Variants in ANO3 observed in about 807,000 individuals in gnomAD.
ANO3 encodes anoctamin-3.
In ANO3, 99 loss-of-function variants were observed where a neutral mutation model predicts 144.8. The ratio of observed to expected loss-of-function variants is 0.68; its 90% confidence interval spans 0.58 to 0.81. ANO3 has a LOEUF of 0.81. Among genes scored for constraint, ANO3 ranks in the 30% least tolerant of loss-of-function variants. ANO3 has a pLI of 0.00. For missense variants in ANO3, 905 were observed against 1,202.2 expected (o/e 0.75, Z 3.66); for synonymous variants, 414 against 392.6 (o/e 1.05, Z -0.64).
At chr11:26,266,527 G>A (rs1853311648) in intron 1 of ANO3, among the ~76,000 whole-genome samples, 1 of 149,350 alleles carries the variant, frequency 6.7e-6, no homozygotes, top group South Asian at 2.1e-4. Context: ...TCTGCCTCCC[G>A]GGTTCAAGCG....
At chr11:26,468,394 A>T (rs541115004) in intron 4 of ANO3, among the ~76,000 whole-genome samples, 2 of 152,094 alleles carry the variant, frequency 1.3e-5, no homozygotes, top group South Asian at 4.1e-4. Context: ...GTATCAAATC[A>T]AACAGGAAGA....
intron 1 of ANO3, among the ~76,000 whole-genome samples, chr11:26,234,525 T>G (rs1852473383): frequency 6.6e-6 from 1 of 152,136 alleles, no homozygotes; most frequent in Non-Finnish European, 1.5e-5. Context: ...TTACATCATT[T>G]TAAAAACCAA....
At chr11:26,302,814 A>G (rs1660760782) in intron 1 of ANO3, among the ~76,000 whole-genome samples, 1 of 152,180 alleles carries the variant, frequency 6.6e-6, no homozygotes, top group African/African-American at 2.4e-5. Flanking sequence ...AAAAACTATT[A>G]GCACCAGTAA....
intron 1 of ANO3, among the ~76,000 whole-genome samples, chr11:26,214,229 T>C (rs1851992314): frequency 6.6e-6 from 1 of 151,890 alleles, no homozygotes; most frequent in Non-Finnish European, 1.5e-5. Flanking sequence ...AGGATACATA[T>C]GTACTGATGA....
At chr11:26,604,991 T>C (rs938602862) in intron 17 of ANO3, among the ~76,000 whole-genome samples, 1 of 152,040 alleles carries the variant, frequency 6.6e-6, no homozygotes, top group Non-Finnish European at 1.5e-5. Context: ...CTGTCTTGTA[T>C]TGATTTTCAA....
intron 14 of ANO3, among the ~76,000 whole-genome samples, chr11:26,585,189 T>A (rs1169476409): frequency 6.6e-6 from 1 of 152,152 alleles, no homozygotes; most frequent in East Asian, 1.9e-4. Flanking sequence ...ACACATTTCT[T>A]TGTACAATGT....
intron 1 of ANO3, among the ~76,000 whole-genome samples, chr11:26,325,798 A>G (rs1854868850): frequency 6.6e-6 from 1 of 152,218 alleles, no homozygotes; most frequent in Admixed American, 6.5e-5. Flanking sequence ...AGCCATAAAG[A>G]TTATATTTCT....
chr11:26,615,584 G>A (rs1003713970), intron 17 of ANO3, among the ~76,000 whole-genome samples: 2 of 151,670 alleles, frequency 1.3e-5, no homozygotes, highest in African/African-American at 4.8e-5. Context: ...TAACACATAG[G>A]GATATTGAAA....
rs112064265 is a variant in ANO3 at position 26,606,856 on chromosome 11, C to T, written c.1836+7142C>T. Among the ~76,000 whole-genome samples the T allele has an allele frequency of 2.2e-3, 335 of 152,264 alleles. 1 individual carries two copies. Among genetic ancestry groups the T allele is most frequent in the African/African-American group, 7.7e-3 (321 of 41,550 alleles). ...TGCACACTAGTTGATGCAGTTTCTT[C>T]ATAGTGTCATTGATCTTTATATTTT... On this transcript the variant is annotated intron_variant, in intron 17 of 26. Coordinates refer to ENST00000256737, the MANE Select transcript of ANO3 (RefSeq NM_031418.4).
chr11:26,309,700 C>A (rs1341847933), exon 1 of ANO3: 9 of 985,060 alleles, frequency 9.1e-6, no homozygotes, highest in Non-Finnish European at 1.1e-5. Context: ...TGTGGGCTGC[C>A]AAAGGCAAAT....
chr11:26,578,024 T>G (rs1851035402), intron 14 of ANO3, among the ~76,000 whole-genome samples: 1 of 152,174 alleles, frequency 6.6e-6, no homozygotes, highest in South Asian at 2.1e-4. Flanking sequence ...TGATCAAAAG[T>G]ATGTCGTGGG....
chr11:26,559,831 G>T, intron 14 of ANO3, 52 bp downstream of exon 14: 1 of 1,034,602 alleles, frequency 9.7e-7, no homozygotes, highest in Non-Finnish European at 1.5e-6. Context: ...AGCTGTTTCT[G>T]TGTTACACAC....
intron 1 of ANO3, among the ~76,000 whole-genome samples, chr11:26,289,958 C>A (rs1339187756): frequency 6.6e-6 from 1 of 151,882 alleles, no homozygotes; most frequent in Non-Finnish European, 1.5e-5. Context: ...GGAGGATTCC[C>A]TCTTTTCCTA....
chr11:26,385,752 A>C (rs1856707459), intron 1 of ANO3, among the ~76,000 whole-genome samples: 1 of 147,626 alleles, frequency 6.8e-6, no homozygotes, highest in South Asian at 2.2e-4. Flanking sequence ...ATACTTGAGA[A>C]GGGGGAATAT....
chr11:26,274,576 C>A (rs1021830502), intron 1 of ANO3, among the ~76,000 whole-genome samples: 1 of 152,044 alleles, frequency 6.6e-6, no homozygotes, highest in African/African-American at 2.4e-5. Flanking sequence ...GAAAGTAAAT[C>A]CTTGGTACTG....
intron 13 of ANO3, chr11:26,559,471 TG>T (rs1172122454): frequency 4.3e-5 from 16 of 367,972 alleles, no homozygotes; most frequent in Non-Finnish European, 7.4e-5. Flanking sequence ...TCAGAAATGA[TG>T]GTGGGGTATA....
chr11:26,607,617 C>T (rs1033246201), intron 17 of ANO3, among the ~76,000 whole-genome samples: 3 of 152,182 alleles, frequency 2.0e-5, no homozygotes, highest in African/African-American at 7.2e-5. Flanking sequence ...GTGTTAAGGC[C>T]TCCTACTATT....
At chr11:26,465,907 A>G (rs951526542) in intron 4 of ANO3, among the ~76,000 whole-genome samples, 1 of 151,956 alleles carries the variant, frequency 6.6e-6, no homozygotes, top group Non-Finnish European at 1.5e-5. Context: ...GAGTAACTAT[A>G]GTTTGCTGTA....
intron 13 of ANO3, among the ~76,000 whole-genome samples, chr11:26,557,799 C>G (rs759264690): frequency 6.6e-6 from 1 of 152,136 alleles, no homozygotes; most frequent in Non-Finnish European, 1.5e-5. Context: ...TTCAGCAGCT[C>G]ATATGTCAGC....
Sources: allele counts gnomAD v4.1 joint callset (sites outside exome capture counted in the v4.1 genomes callset), GRCh38; gene constraint gnomAD v4.1.1; transcripts MANE v1.5; gene names NCBI Gene and HGNC (gene_info 2026-07-23, HGNC 2026-07-21).